ADRA1A: variants seen among roughly 807,000 people sequenced by gnomAD.
ADRA1A encodes the protein adrenoceptor alpha 1A.
ADRA1A carries 31 observed loss-of-function variants against 29.6 expected under a neutral mutation model. The ratio of observed to expected loss-of-function variants is 1.05; its 90% CI spans 0.79 to 1.41. ADRA1A has a LOEUF of 1.41. Among genes scored for constraint, ADRA1A ranks in the 40% most tolerant of loss-of-function variants. ADRA1A has a pLI of 0.00. For synonymous variants in ADRA1A, 311 were observed against 254.3 expected, an observed-to-expected ratio of 1.22 and a Z score of -2.12; for missense variants, 619 against 601.1, an observed-to-expected ratio of 1.03 and a Z score of -0.31.
At chr8:26,854,963 T>C (rs1464913027) in intron 2 of ADRA1A, among the ~76,000 whole-genome samples, 2 of 152,152 alleles carry the variant, frequency 1.3e-5, no homozygotes, top group Non-Finnish European at 2.9e-5. Flanking sequence ...AGCTAGAAGG[T>C]ACCATCCATA....
In ADRA1A at chr8:26,823,733, G is replaced by C. The variant is rs1021389558; in HGVS notation, c.883+40354C>G. The stretch of plus-strand genomic sequence containing the variant: ...GACCATCATTTCATCACTCATACTT[G>C]ACACCTCATATTCTTGCAACTTCAA... On this transcript the variant is annotated intron_variant, in intron 2 of 2. Coordinates refer to ENST00000380573, the MANE Select transcript of ADRA1A (RefSeq NM_000680.4). The surrounding 1 kb of genome is among the most constrained non-coding windows in gnomAD (Gnocchi z 4.2). Among the ~76,000 whole-genome samples the C allele has an allele frequency of 3.9e-5, 6 of 152,080 alleles. No homozygotes were observed. The highest frequency in any genetic ancestry group is 6.6e-5 in the Admixed American group (1 of 15,252).
intron 2 of ADRA1A, among the ~76,000 whole-genome samples, chr8:26,817,447 C>A (rs913919449): frequency 2.6e-5 from 4 of 152,142 alleles, no homozygotes; most frequent in Non-Finnish European, 4.4e-5. Flanking sequence ...CAAAATGATA[C>A]AACCACTTTG....
At chr8:26,768,541 C>T (rs773958356), downstream of ADRA1A, among the ~76,000 whole-genome samples, 9 of 152,064 alleles carry the variant, frequency 5.9e-5, no homozygotes, top group South Asian at 1.5e-3. Context: ...GTTTGAGCAC[C>T]GACATGACGC....
At chr8:26,856,793 G>C (rs1290022676) in intron 2 of ADRA1A, among the ~76,000 whole-genome samples, 2 of 152,170 alleles carry the variant, frequency 1.3e-5, no homozygotes, top group Non-Finnish European at 2.9e-5. Context: ...AACTTAGTGT[G>C]GCTATCTGAT....
At chr8:26,820,486 A>AAGT in intron 2 of ADRA1A, among the ~76,000 whole-genome samples, 1 of 152,212 alleles carries the variant, frequency 6.6e-6, no homozygotes, top group Admixed American at 6.5e-5. Context: ...TCTTGACTAA[A>AAGT]CATCATTGAT....
chr8:26,812,130 G>A (rs1470733373), intron 2 of ADRA1A, among the ~76,000 whole-genome samples: 4 of 152,144 alleles, frequency 2.6e-5, no homozygotes, highest in Admixed American at 2.0e-4. Context: ...CTAATGAAAT[G>A]AGAGGCTGAG....
chr8:26,867,169 G>T lies in ADRA1A; in HGVS notation c.-920C>A. 2 of 983,200 alleles carry T rather than the reference G, an allele frequency of 2.0e-6. No homozygotes were observed. The highest frequency in any genetic ancestry group is 2.4e-6 in the Non-Finnish European group (2 of 828,674). 60.9% of individuals were successfully genotyped at this position (983,200 alleles called of 1,614,324 possible). A position where few individuals can be genotyped will look rare whatever the true frequency, so the allele number is the denominator to read the frequency against. ...TTTAAAAAGAGTCAAAATAAGAAAA[G>T]AAAAAAAAATGCAGATAACCGGTAA... is the stretch of plus-strand genomic sequence containing the variant. On this transcript the variant is annotated 5_prime_UTR_variant, in exon 1 of 3. Transcript: ENST00000380573.
intron 2 of ADRA1A, among the ~76,000 whole-genome samples, chr8:26,780,809 C>A (rs964866265): frequency 3.3e-5 from 5 of 152,132 alleles, no homozygotes; most frequent in Non-Finnish European, 5.9e-5. Context: ...GAGCACCAAC[C>A]CTATCGTGAA....
chr8:26,771,445 C>T (rs1806136170), intron 2 of ADRA1A, among the ~76,000 whole-genome samples: 1 of 152,194 alleles, frequency 6.6e-6, no homozygotes, highest in South Asian at 2.1e-4. Flanking sequence ...AGTTGGGCCA[C>T]TGTGTCCTTG....
chr8:26,854,235 G>C (rs1812837453), intron 2 of ADRA1A: 1 of 152,288 alleles, frequency 6.6e-6, no homozygotes, highest in African/African-American at 2.4e-5. Flanking sequence ...TGGTAGGAAT[G>C]CCTGAAGATT....
intron 2 of ADRA1A, among the ~76,000 whole-genome samples, chr8:26,809,740 C>T (rs951827402): frequency 3.3e-5 from 5 of 152,194 alleles, no homozygotes; most frequent in South Asian, 2.1e-4. Context: ...TCCCACAAAG[C>T]GCTGAGTAAG....
chr8:26,858,001 C>CTGAA (rs565760528), intron 2 of ADRA1A, among the ~76,000 whole-genome samples: 1 of 152,198 alleles, frequency 6.6e-6, no homozygotes, highest in Admixed American at 6.5e-5. Flanking sequence ...AATGAAACTG[C>CTGAA]TGAATGAATG....
downstream of ADRA1A, among the ~76,000 whole-genome samples, chr8:26,751,478 A>G (rs1013409379): frequency 6.6e-6 from 1 of 152,202 alleles, no homozygotes; most frequent in Non-Finnish European, 1.5e-5. Context: ...ATCATTAAAT[A>G]CTTTGTTTAA....
chr8:26,754,343 CT>C (rs1366538969), downstream of ADRA1A, among the ~76,000 whole-genome samples: 1 of 152,074 alleles, frequency 6.6e-6, no homozygotes. Context: ...ATACCAAACT[CT>C]CAGCACGATT....
At chr8:26,817,320 C>G (rs1809837702) in intron 2 of ADRA1A, among the ~76,000 whole-genome samples, 1 of 152,072 alleles carries the variant, frequency 6.6e-6, no homozygotes. Flanking sequence ...AAAATGAAAA[C>G]TAAAGCAACA....
In ADRA1A at chr8:26,864,481, G is replaced by T. The variant is rs762958890; in HGVS notation, c.489C>A (p.Phe163Leu). 5 of 1,613,746 alleles carry T rather than the reference G, an allele frequency of 3.1e-6. No homozygotes were observed. The highest frequency in any genetic ancestry group is 1.1e-5 in the South Asian group (1 of 91,074). Reference sequence around the variant, plus strand: ...CCTCGGGGGCCGGCTGCCTCCAGCCGAACAGGGGTCCAATGGATATGACCA... The same window carrying T: ...CCTCGGGGGCCGGCTGCCTCCAGCCTAACAGGGGTCCAATGGATATGACCA... ...LSLVISIGPL[F>L]GWRQPAPEDE... The change falls in exon 2 of 3, where the codon TTC becomes TTA. Residue 163 changes from phenylalanine (F) to leucine (L), a missense_variant. By Grantham distance (22) the Phe-to-Leu change is conservative. Transcript: ENST00000380573. The surrounding 1 kb of genome is among the most constrained non-coding windows in gnomAD (Gnocchi z 8.1).
chr8:26,777,222 C>A (rs1384183973), intron 2 of ADRA1A, among the ~76,000 whole-genome samples: 2 of 152,118 alleles, frequency 1.3e-5, no homozygotes, highest in Non-Finnish European at 2.9e-5. Flanking sequence ...AGATGGTGAC[C>A]AGGGCTCTCT....
Position 26,867,190 on chromosome 8 carries a change from G to C in ADRA1A, c.-941C>G, listed in dbSNP as rs904969217. 13 of 985,334 alleles carry C rather than the reference G, an allele frequency of 1.3e-5. No individual in the cohort carries two copies. The highest frequency in any genetic ancestry group is 5.2e-4 in the Middle Eastern group (1 of 1,914). The allele number at this position is 985,334 out of a possible 1,614,324, so 61.0% of individuals were successfully genotyped here. The stretch of plus-strand genomic sequence containing the variant: ...AAAAGAAAAAAAAATGCAGATAACC[G>C]GTAACTCCACAATCACCCTTTTAAT... On this transcript the variant is annotated 5_prime_UTR_variant, in exon 1 of 3. Coordinates refer to ENST00000380573, the MANE Select transcript of ADRA1A (RefSeq NM_000680.4).
In ADRA1A at chr8:26,860,486, T is replaced by C. The variant is rs1268494932; in HGVS notation, c.883+3601A>G. On this transcript the variant is annotated intron_variant, in intron 2 of 2. Coordinates refer to ENST00000380573, the MANE Select transcript of ADRA1A (RefSeq NM_000680.4). The surrounding 1 kb of genome is among the most constrained non-coding windows in gnomAD (Gnocchi z 4.7). ...AACCCTCCTTCCCGCTGTACTTTAATGTTATGACCGTAAATCTCAGATAGG... is the reference window on the plus strand; with the variant it reads ...AACCCTCCTTCCCGCTGTACTTTAACGTTATGACCGTAAATCTCAGATAGG... Among the ~76,000 whole-genome samples, 3 of 152,146 alleles carry C rather than the reference T, an allele frequency of 2.0e-5. No homozygotes were observed. Among genetic ancestry groups the C allele is most frequent in the African/African-American group, 4.8e-5 (2 of 41,416 alleles).
Sources: gnomAD v4.1 joint callset for allele counts (sites outside exome capture counted in the v4.1 genomes callset) on GRCh38, gnomAD v4.1.1 for gene constraint, Gnocchi (gnomAD v3.1) non-coding constraint, MANE v1.5 for transcripts, NCBI Gene and HGNC (gene_info 2026-07-23, HGNC 2026-07-21) for gene names.